The following CAST variants were observed in gnomAD, a reference collection of about 807,000 sequenced individuals.
The protein encoded by CAST is MIR583 host.
In CAST, 76 loss-of-function variants were observed where a neutral mutation model predicts 119.6. The ratio of observed to expected loss-of-function variants is 0.64; its 90% CI spans 0.53 to 0.77. The LOEUF is 0.77. Ranked by LOEUF, CAST falls within the 30% of genes least tolerant of loss-of-function variation. The probability of loss-of-function intolerance (pLI) is 0.00; values close to 1 mark genes in which losing one functional copy is unlikely to be tolerated. For synonymous variants in CAST, 319 were observed against 331.6 expected (o/e 0.96, Z 0.41); for missense variants, 953 against 946.5 (o/e 1.01, Z -0.09).
the CAST span, among the ~76,000 whole-genome samples, chr5:96,136,290 A>G: frequency 6.6e-6 from 1 of 152,192 alleles, no homozygotes. Context: ...ATTAACTAGA[A>G]GAAATTTTTT....
chr5:96,109,148 C>T, the CAST span, among the ~76,000 whole-genome samples: 391 of 152,298 alleles, frequency 2.6e-3, 1 homozygote, highest in Admixed American at 5.6e-3. Context: ...GAGATGAACC[C>T]GGTACCTCAG....
intron 9 of CAST, among the ~76,000 whole-genome samples, chr5:96,734,337 AT>A (rs1561543870): frequency 6.6e-6 from 1 of 152,172 alleles, no homozygotes; most frequent in African/African-American, 2.4e-5. Context: ...GGGTGATGCA[AT>A]TGAATCCGAG....
At chr5:96,743,479 C>A in intron 16 of CAST, 1 of 1,147,656 alleles carries the variant, frequency 8.7e-7, no homozygotes, top group South Asian at 1.7e-5. Flanking sequence ...CCCGCCCCAC[C>A]TCCATCAGCT....
the CAST span, among the ~76,000 whole-genome samples, chr5:96,510,262 A>G: frequency 1.3e-4 from 20 of 152,330 alleles, no homozygotes; most frequent in Non-Finnish European, 2.8e-4. Flanking sequence ...GGGCACATTC[A>G]TCCAATGGCC....
chr5:96,731,614 C>T (rs1386755731), intron 9 of CAST, among the ~76,000 whole-genome samples: 1 of 150,874 alleles, frequency 6.6e-6, no homozygotes, highest in Admixed American at 6.6e-5. Flanking sequence ...AACTCGTCAT[C>T]TAGCATTAGG....
chr5:96,628,179 C>T (rs1188849125), intron 1 of CAST, among the ~76,000 whole-genome samples: 7 of 152,190 alleles, frequency 4.6e-5, no homozygotes, highest in Non-Finnish European at 1.0e-4. Context: ...TTTGTAATGG[C>T]ATGCATGGAA....
the CAST span, among the ~76,000 whole-genome samples, chr5:95,992,324 A>G: frequency 6.6e-6 from 1 of 152,252 alleles, no homozygotes. Flanking sequence ...TAAAAAAGAA[A>G]TTGACTTTAA....
At chr5:96,350,192 G>A in the CAST span, among the ~76,000 whole-genome samples, 1 of 152,148 alleles carries the variant, frequency 6.6e-6, no homozygotes, top group Non-Finnish European at 1.5e-5. Flanking sequence ...GTATTTAAAG[G>A]GAAAAAGCAA....
rs776996617 is a variant in CAST, at chr5:96,605,090, A to AG, written c.61-70444dup. The stretch of plus-strand genomic sequence containing the variant: ...TTGACTCCAAGGTCTCTCACTACCT[A>AG]GGGGGTCAAATGTTGATGATGCCAC... On this transcript the variant is annotated intron_variant, in intron 1 of 11. Transcript: ENST00000505143. 2.6e-5 allele frequency among the ~76,000 whole-genome samples: 4 copies of AG among 152,126 alleles called. 1 individual carries two copies. In the South Asian group the frequency reaches 8.3e-4, roughly 32 times the overall value.
chr5:96,005,374 G>T, the CAST span, among the ~76,000 whole-genome samples: 1 of 152,162 alleles, frequency 6.6e-6, no homozygotes, highest in East Asian at 1.9e-4. Context: ...GGATTCTCTG[G>T]TAACACTAGA....
At chr5:96,364,157 G>C in the CAST span, among the ~76,000 whole-genome samples, 2 of 152,082 alleles carry the variant, frequency 1.3e-5, no homozygotes, top group Non-Finnish European at 2.9e-5. Context: ...GTATGTTGAA[G>C]CAGACTTGCA....
intron 3 of CAST, among the ~76,000 whole-genome samples, chr5:96,716,763 T>G (rs1439573072): frequency 6.6e-6 from 1 of 152,248 alleles, no homozygotes; most frequent in Non-Finnish European, 1.5e-5. Flanking sequence ...AGTTATTGAT[T>G]TGTCAGATTT....
the CAST span, among the ~76,000 whole-genome samples, chr5:96,203,147 CT>C: frequency 2.9e-4 from 43 of 147,776 alleles, 1 homozygote; most frequent in Admixed American, 1.1e-3. Flanking sequence ...TATGCACAAC[CT>C]TTTTTTTTTA....
At chr5:96,538,373 G>T (rs1745855894) in intron 1 of CAST, among the ~76,000 whole-genome samples, 2 of 152,116 alleles carry the variant, frequency 1.3e-5, no homozygotes. Context: ...GAAAGTAAAA[G>T]AATTTTGCTT....
chr5:95,993,103 C>G, the CAST span, among the ~76,000 whole-genome samples: 857 of 152,166 alleles, frequency 5.6e-3, 1 homozygote, highest in Non-Finnish European at 9.4e-3. Flanking sequence ...ATAGAGAGCT[C>G]AGAAATAGAG....
At chr5:96,239,225 A>T in the CAST span, among the ~76,000 whole-genome samples, 5 of 152,136 alleles carry the variant, frequency 3.3e-5, no homozygotes. Context: ...ATATATGTAA[A>T]CATATGTAAT....
chr5:96,746,343 C>T lies in CAST; in HGVS notation c.1202C>T (p.Ala401Val), dbSNP rs146910605. 7.0e-5 allele frequency: 112 copies of T among 1,595,988 alleles called. 1 individual carries two copies. In the African/African-American group the frequency reaches 1.5e-3, roughly 21 times the overall value. The change falls in exon 17 of 32, where the codon GCA becomes GTA. Residue 401 changes from alanine (A) to valine (V), a missense_variant and splice_region_variant. Coordinates refer to ENST00000675179, the MANE Select transcript of CAST (RefSeq NM_001750.7). ...DLRSIKEVDEAKAKEEKLEKC... is the reference protein window; with the variant it reads ...DLRSIKEVDEVKAKEEKLEKC... ...TTTTTTCCCCTCCATTTTCATCAGG[C>T]AAAAGCTAAAGAAGAAAAACTAGAG...
At chr5:96,432,636 C>G in the CAST span, among the ~76,000 whole-genome samples, 1 of 152,204 alleles carries the variant, frequency 6.6e-6, no homozygotes, top group Non-Finnish European at 1.5e-5. Context: ...AAGCCCTACC[C>G]AGCTGCAGCG....
At chr5:96,500,080 G>A in the CAST span, among the ~76,000 whole-genome samples, 1 of 152,008 alleles carries the variant, frequency 6.6e-6, no homozygotes, top group Admixed American at 6.6e-5. Context: ...GGAGCAGTCT[G>A]TGGCCCCCCA....
Sources: allele counts gnomAD v4.1 joint callset (sites outside exome capture counted in the v4.1 genomes callset), GRCh38; gene constraint gnomAD v4.1.1; transcripts MANE v1.5; gene names NCBI Gene and HGNC (gene_info 2026-07-23, HGNC 2026-07-21).